SLC2A5: variants seen among roughly 807,000 people sequenced by gnomAD.
SLC2A5 encodes the protein solute carrier family 2 member 5, also known as solute carrier family 2, facilitated glucose transporter member 5.
Under a neutral mutation model 50.3 loss-of-function variants are expected in SLC2A5, and 56 were observed. That is an observed-to-expected ratio of 1.11 (90% CI 0.90 to 1.39). SLC2A5 has a LOEUF of 1.39. SLC2A5 is among the 40% of genes most tolerant of loss of function. SLC2A5 has a pLI of 0.00. For synonymous variants in SLC2A5, 269 were observed against 281.9 expected (o/e 0.95, Z 0.46); for missense variants, 566 against 650.1 (o/e 0.87, Z 1.41).
At chr1:9,039,695 CGGA>C (rs1641243583) in intron 7 of SLC2A5, 33 bp from the exon 8 acceptor site, 1 of 1,472,378 alleles carries the variant, frequency 6.8e-7, no homozygotes, top group Non-Finnish European at 9.0e-7. Context: ...GGCGGCTGCC[CGGA>C]GGAGGCGGCC....
upstream of SLC2A5, among the ~76,000 whole-genome samples, chr1:9,088,887 C>T (rs12760830): frequency 0.22 from 34,077 of 151,978 alleles, 4,524 homozygotes; most frequent in East Asian, 0.51. Flanking sequence ...ATCCCTTGCG[C>T]TCATGTCTTT....
chr1:9,038,346 C>T, intron 10 of SLC2A5, 85 bp downstream of exon 10: 1 of 999,892 alleles, frequency 1.0e-6, no homozygotes, highest in Non-Finnish European at 1.6e-6. Context: ...CATTGGCCAT[C>T]CCTGGTATCT....
chr1:9,067,171 G>A (rs1394016247), intron 1 of SLC2A5, among the ~76,000 whole-genome samples: 5 of 152,094 alleles, frequency 3.3e-5, no homozygotes, highest in Non-Finnish European at 5.9e-5. Context: ...CCTCTCGGCT[G>A]CACTTAATGA....
chr1:9,089,051 G>C (rs1405198044), upstream of SLC2A5, among the ~76,000 whole-genome samples: 2 of 152,100 alleles, frequency 1.3e-5, no homozygotes, highest in African/African-American at 2.4e-5. Flanking sequence ...CCTCACTCCT[G>C]ACGAAAAAGA....
chr1:9,087,220 T>G (rs1172666488), intron 1 of SLC2A5, among the ~76,000 whole-genome samples: 1 of 151,670 alleles, frequency 6.6e-6, no homozygotes. Flanking sequence ...TTTTTTTTTT[T>G]TTGAGACAGA....
chr1:9,042,617 GTA>G (rs1216747605), intron 4 of SLC2A5, among the ~76,000 whole-genome samples: 2 of 146,854 alleles, frequency 1.4e-5, no homozygotes, highest in African/African-American at 2.5e-5. Flanking sequence ...GTGTGTATGT[GTA>G]TATATATGTG....
intron 2 of SLC2A5, among the ~76,000 whole-genome samples, chr1:9,079,174 T>A (rs1449948757): frequency 6.6e-6 from 1 of 152,202 alleles, no homozygotes; most frequent in Admixed American, 6.5e-5. Flanking sequence ...GAGCCAGTTC[T>A]GTATTCTGTC....
intron 4 of SLC2A5, among the ~76,000 whole-genome samples, chr1:9,042,570 G>A (rs1003526535): frequency 3.7e-5 from 4 of 107,956 alleles, no homozygotes; most frequent in Non-Finnish European, 7.3e-5. Context: ...GCATGTGTGT[G>A]TACATATATA....
chr1:9,084,755 G>C (rs1028950264), intron 2 of SLC2A5, among the ~76,000 whole-genome samples: 43 of 152,186 alleles, frequency 2.8e-4, no homozygotes, highest in Non-Finnish European at 2.4e-4. Flanking sequence ...CCCTTGGGTG[G>C]CCCTGGAACC....
intron 1 of SLC2A5, among the ~76,000 whole-genome samples, chr1:9,060,130 A>T (rs75353457): frequency 0.058 from 5,350 of 92,396 alleles, 179 homozygotes; most frequent in East Asian, 0.13. Context: ...ACACACACAC[A>T]ACACACACAC....
At chr1:9,039,452 G>A in intron 8 of SLC2A5, 100 bp downstream of exon 8, 1 of 826,882 alleles carries the variant, frequency 1.2e-6, no homozygotes, top group Non-Finnish European at 1.8e-6. Context: ...GGTCCTCCAC[G>A]TTTTGGGGCC....
upstream of SLC2A5, chr1:9,072,310 C>T (rs1642229123): frequency 6.6e-6 from 1 of 152,410 alleles, no homozygotes; most frequent in Non-Finnish European, 1.5e-5. Context: ...AAACCTGAGG[C>T]AAGAGGATCG....
chr1:9,066,053 G>GTTAA lies in SLC2A5; in HGVS notation c.33+3447_33+3450dup, dbSNP rs375871522. On this transcript the variant is annotated intron_variant, in intron 1 of 11. Coordinates refer to ENST00000377424, the MANE Select transcript of SLC2A5 (RefSeq NM_003039.3). The stretch of plus-strand genomic sequence containing the variant: ...GGTCTGTAGTAGGTGTTACAAATGG[G>GTTAA]TTAATTAATCCATTAATTACAAATG... Among the ~76,000 whole-genome samples the GTTAA allele has an allele frequency of 2.9e-3, 439 of 152,266 alleles. 2 individuals are homozygous for GTTAA. The highest frequency in any genetic ancestry group is 0.01 in the African/African-American group (427 of 41,550).
At chr1:9,086,821 A>G (rs1430534374) in intron 1 of SLC2A5, among the ~76,000 whole-genome samples, 1 of 152,154 alleles carries the variant, frequency 6.6e-6, no homozygotes, top group Admixed American at 6.5e-5. Flanking sequence ...GAGCATCACC[A>G]TCTTGAGCAA....
chr1:9,057,403 G>T, intron 3 of SLC2A5, 45 bp downstream of exon 3: 5 of 1,461,090 alleles, frequency 3.4e-6, no homozygotes, highest in Non-Finnish European at 4.7e-6. Flanking sequence ...TAGCTCTGAT[G>T]GGGGTCTATG....
intron 3 of SLC2A5, 45 bp downstream of exon 3, chr1:9,057,403 G>A (rs1224115749): frequency 7.5e-6 from 11 of 1,461,092 alleles, no homozygotes; most frequent in Non-Finnish European, 9.4e-6. Flanking sequence ...TAGCTCTGAT[G>A]GGGGTCTATG....
Position 9,037,346 on chromosome 1 carries a change from C to A in SLC2A5, c.*240G>T, listed in dbSNP as rs906659113. On this transcript the variant is annotated 3_prime_UTR_variant, in exon 12 of 12. Coordinates refer to ENST00000377424, the MANE Select transcript of SLC2A5 (RefSeq NM_003039.3). ...AGGCTGAACCAGCAAAGTGGAGGAC[C>A]AGCTGTTTAATTGACTCGGGTCTGG... is the stretch of plus-strand genomic sequence containing the variant. The A allele has an allele frequency of 2.2e-5, 11 of 496,244 alleles. No individual in the cohort carries two copies. The highest frequency in any genetic ancestry group is 3.9e-5 in the African/African-American group (2 of 51,674). The allele number at this position is 496,244 out of a possible 1,614,324, so 30.7% of individuals were successfully genotyped here. A position where few individuals can be genotyped will look rare whatever the true frequency, so the allele number is the denominator to read the frequency against.
intron 2 of SLC2A5, among the ~76,000 whole-genome samples, chr1:9,076,215 C>T (rs2124471248): frequency 6.6e-6 from 1 of 152,250 alleles, no homozygotes; most frequent in East Asian, 1.9e-4. Flanking sequence ...CTCGGCCTCC[C>T]AAAGTGCTGG....
intron 3 of SLC2A5, among the ~76,000 whole-genome samples, chr1:9,051,577 CA>C (rs930334883): frequency 6.6e-6 from 1 of 152,092 alleles, no homozygotes; most frequent in Non-Finnish European, 1.5e-5. Context: ...AGGGGAAATG[CA>C]AATTAAACAA....
Sources: gnomAD v4.1 joint callset for allele counts (sites outside exome capture counted in the v4.1 genomes callset) on GRCh38, gnomAD v4.1.1 for gene constraint, MANE v1.5 for transcripts, NCBI Gene and HGNC (gene_info 2026-07-23, HGNC 2026-07-21) for gene names.